The following ITSN2 variants were observed in gnomAD, a reference collection of about 807,000 sequenced individuals.
ITSN2 encodes the protein intersectin 2, also known as intersectin-2.
In ITSN2, 156 loss-of-function variants were observed where a neutral mutation model predicts 243.7. The ratio of observed to expected loss-of-function variants is 0.64; its 90% confidence interval spans 0.56 to 0.73. The LOEUF (loss-of-function observed/expected upper bound fraction) is 0.73. Ranked by LOEUF, ITSN2 falls within the 30% of genes least tolerant of loss-of-function variation. The pLI is 0.00. For missense variants in ITSN2, 1,801 were observed against 1,996.1 expected (o/e 0.90, Z 1.86); for synonymous variants, 703 against 699.9 (o/e 1.00, Z -0.07).
intron 29 of ITSN2, among the ~76,000 whole-genome samples, chr2:24,236,920 T>G (rs1306979691): frequency 6.6e-6 from 1 of 151,480 alleles, no homozygotes; most frequent in African/African-American, 2.4e-5. Context: ...GGCCTCAAAC[T>G]CCTAGGCTCA....
chr2:24,222,054 C>T (rs925690488), intron 29 of ITSN2, among the ~76,000 whole-genome samples: 2 of 152,070 alleles, frequency 1.3e-5, no homozygotes, highest in Non-Finnish European at 1.5e-5. Flanking sequence ...AGATCGAGAC[C>T]ATCCTGGCTA....
chr2:24,297,065 A>C (rs1681059898), intron 13 of ITSN2, among the ~76,000 whole-genome samples: 1 of 152,236 alleles, frequency 6.6e-6, no homozygotes, highest in Admixed American at 6.5e-5. Flanking sequence ...ATAGTGCAAG[A>C]GAGTTAAAAG....
chr2:24,264,388 CAA>C (rs567618875), intron 20 of ITSN2, among the ~76,000 whole-genome samples: 9 of 124,836 alleles, frequency 7.2e-5, no homozygotes, highest in Admixed American at 8.5e-5. Context: ...AACTCTGTCT[CAA>C]AAAAAAAAAA....
intron 17 of ITSN2, among the ~76,000 whole-genome samples, chr2:24,283,812 A>G (rs960324238): frequency 6.6e-6 from 1 of 152,246 alleles, no homozygotes; most frequent in African/African-American, 2.4e-5. Context: ...GAGGGAGAAC[A>G]GTCCACAAAT....
In ITSN2 at chr2:24,286,316, C is replaced by T. The variant is rs1012484092; in HGVS notation, c.1759G>A (p.Glu587Lys). 1.2e-6 allele frequency: 2 copies of T among 1,610,038 alleles called. No homozygotes were observed. The highest frequency in any genetic ancestry group is 1.7e-6 in the Non-Finnish European group (2 of 1,177,006). ...GVSLLHKKSL[E>K]KEELCQRLKE... Reference sequence around the variant, plus strand: ...AGTCTTTGGCATAATTCTTCCTTTTCTAATGATTTTTTATGAAGTAAACTG... The same window carrying T: ...AGTCTTTGGCATAATTCTTCCTTTTTTAATGATTTTTTATGAAGTAAACTG... Residue 587 changes from glutamate (E) to lysine (K), a missense_variant, in exon 16 of 40, where the codon GAA becomes AAA. This residue lies in a region of ITSN2 where 787 missense variants were observed against 803.9 expected (regional missense o/e 0.98). Coordinates refer to ENST00000355123, the MANE Select transcript of ITSN2 (RefSeq NM_006277.3).
At chr2:24,309,498 C>T (rs1489097742) in intron 7 of ITSN2, among the ~76,000 whole-genome samples, 3 of 152,158 alleles carry the variant, frequency 2.0e-5, no homozygotes, top group African/African-American at 7.2e-5. Context: ...CTGTGCCTGG[C>T]CAATGGTGAC....
chr2:24,234,723 C>A (rs568765392), intron 29 of ITSN2, among the ~76,000 whole-genome samples: 6 of 152,196 alleles, frequency 3.9e-5, no homozygotes, highest in South Asian at 4.1e-4. Context: ...ATGCAGATGG[C>A]AAATAAGCAT....
intron 31 of ITSN2, among the ~76,000 whole-genome samples, 175 bp downstream of exon 31, chr2:24,217,732 T>G (rs1670102181): frequency 6.6e-6 from 1 of 152,240 alleles, no homozygotes; most frequent in African/African-American, 2.4e-5. Context: ...TCTTCAATAC[T>G]TATGTATTTT....
At chr2:24,288,302 C>T (rs1440703030) in intron 15 of ITSN2, among the ~76,000 whole-genome samples, 4 of 152,012 alleles carry the variant, frequency 2.6e-5, no homozygotes, top group Non-Finnish European at 5.9e-5. Flanking sequence ...TCTTGATACC[C>T]TTGTCAAAAA....
intron 9 of ITSN2, among the ~76,000 whole-genome samples, chr2:24,302,828 C>T (rs1269440004): frequency 6.6e-6 from 1 of 152,150 alleles, no homozygotes; most frequent in East Asian, 1.9e-4. Flanking sequence ...AAGAAAACAA[C>T]AGTTTTTCTA....
At chr2:24,351,041 G>A (rs890171259) in intron 1 of ITSN2, among the ~76,000 whole-genome samples, 2 of 152,146 alleles carry the variant, frequency 1.3e-5, no homozygotes, top group Admixed American at 6.5e-5. Context: ...ATCTATTCAC[G>A]TGACATACAA....
intron 12 of ITSN2, among the ~76,000 whole-genome samples, chr2:24,299,471 A>AG (rs1181941261): frequency 6.6e-6 from 1 of 152,028 alleles, no homozygotes. Context: ...CACTATCCCA[A>AG]AGGCCTGTGC....
At chr2:24,216,812 A>G (rs1312296552) in intron 31 of ITSN2, among the ~76,000 whole-genome samples, 1 of 151,872 alleles carries the variant, frequency 6.6e-6, no homozygotes, top group African/African-American at 2.4e-5. Context: ...GTAGCTGGGC[A>G]TGGTGGCTCA....
Position 24,258,006 on chromosome 2 carries a change from T to C in ITSN2, c.2770A>G (p.Ile924Val). Reference sequence around the variant, plus strand: ...TCTTGCTGCTCCAAGACAGTAATAATGTCATGTTTTGAGAAGTTCAAGTGG... The same window carrying C: ...TCTTGCTGCTCCAAGACAGTAATAACGTCATGTTTTGAGAAGTTCAAGTGG... The part of the protein sequence containing the change: ...DNHLNFSKHD[I>V]ITVLEQQENW... Residue 924 changes from isoleucine to valine, a missense_variant, in exon 23 of 40, where the codon ATT becomes GTT. Ile to Val is a conservative substitution (Grantham distance 29). Around this residue, in one of 5 missense-constraint regions of ITSN2, gnomAD observed 928 missense variants for 1,065.4 expected, o/e 0.87. Transcript: ENST00000355123. The C allele has an allele frequency of 6.2e-7, 1 of 1,614,052 alleles. No homozygotes were observed. Among genetic ancestry groups the C allele is most frequent in the Non-Finnish European group, 8.5e-7 (1 of 1,179,936 alleles).
chr2:24,236,478 C>T (rs1168550321), intron 29 of ITSN2, among the ~76,000 whole-genome samples: 1 of 152,116 alleles, frequency 6.6e-6, no homozygotes, highest in Non-Finnish European at 1.5e-5. Context: ...AATTGCATGG[C>T]AAGTGAATTG....
chr2:24,246,333 T>G lies in ITSN2; in HGVS notation c.3386-13A>C. The G allele has an allele frequency of 6.6e-7, 1 of 1,516,338 alleles. No homozygotes were observed. The highest frequency in any genetic ancestry group is 1.2e-5 in the South Asian group (1 of 86,112). The allele number at this position is 1,516,338 out of a possible 1,614,324, so 93.9% of individuals were successfully genotyped here. A position where few individuals can be genotyped will look rare whatever the true frequency, so the allele number is the denominator to read the frequency against. On this transcript the variant is annotated splice_polypyrimidine_tract_variant and intron_variant, in intron 28 of 39. Coordinates refer to ENST00000355123, the MANE Select transcript of ITSN2 (RefSeq NM_006277.3). Reference sequence around the variant, plus strand: ...ATCACCTGACATACTATCACAAGAATAACAAAATAACACATTAAACAAATT... The same window carrying G: ...ATCACCTGACATACTATCACAAGAAGAACAAAATAACACATTAAACAAATT...
intron 13 of ITSN2, among the ~76,000 whole-genome samples, chr2:24,296,975 C>T (rs1186138545): frequency 6.6e-6 from 1 of 152,102 alleles, no homozygotes; most frequent in African/African-American, 2.4e-5. Flanking sequence ...TCATGTGTTG[C>T]ACCAGTTCTT....
Position 24,246,195 on chromosome 2 carries a change from C to T in ITSN2, c.3511G>A (p.Gly1171Arg), listed in dbSNP as rs367952937. The change falls in exon 29 of 40, where the codon GGG (glycine) becomes AGG (arginine). Residue 1171 changes from glycine to arginine, a missense_variant. By Grantham distance (125) the Gly-to-Arg change is moderately radical. Transcript: ENST00000355123. ...DPDWWQGEIN[G>R]VTGLFPSNYV... ...TTTGAAGGAAAGAGACCAGTCACCC[C>T]GTTGATCTCTCCTTGCCACCAATCA... 233 of 1,613,288 alleles carry T rather than the reference C, an allele frequency of 1.4e-4. No homozygotes were observed. Among genetic ancestry groups the T allele is most frequent in the Non-Finnish European group, 1.9e-4 (229 of 1,179,524 alleles).
chr2:24,282,306 G>C (rs1678886583), intron 17 of ITSN2, among the ~76,000 whole-genome samples: 1 of 152,230 alleles, frequency 6.6e-6, no homozygotes, highest in Non-Finnish European at 1.5e-5. Context: ...CCACTGACCA[G>C]AGGAACAATG....
Sources: gnomAD v4.1 joint callset for allele counts (sites outside exome capture counted in the v4.1 genomes callset) on GRCh38, gnomAD v4.1.1 for gene constraint, gnomAD v4.1.1 regional missense constraint, MANE v1.5 for transcripts, NCBI Gene and HGNC (gene_info 2026-07-23, HGNC 2026-07-21) for gene names.